APLF: variants seen among roughly 807,000 people sequenced by gnomAD.
APLF encodes the protein aprataxin and PNKP like factor.
Under a neutral mutation model 55.6 loss-of-function variants are expected in APLF, and 61 were observed. That is an observed-to-expected ratio of 1.10 (90% confidence interval 0.89 to 1.36). APLF has a LOEUF of 1.36. APLF is among the 40% of genes most tolerant of loss of function. The pLI, the probability that APLF is intolerant of heterozygous loss-of-function variation, is 0.00. For missense variants in APLF, 611 were observed against 602.5 expected (o/e 1.01, Z -0.15); for synonymous variants, 207 against 214.8 (o/e 0.96, Z 0.32).
chr2:68,484,464 G>C (rs1268894567), intron 1 of APLF, among the ~76,000 whole-genome samples: 1 of 151,812 alleles, frequency 6.6e-6, no homozygotes. Context: ...AGAGGTGGGT[G>C]GATCATTCAA....
At chr2:68,492,504 A>G (rs1676404368) in intron 2 of APLF, among the ~76,000 whole-genome samples, 1 of 152,182 alleles carries the variant, frequency 6.6e-6, no homozygotes, top group Non-Finnish European at 1.5e-5. Context: ...AAGAGTACTA[A>G]TAATGTAAAA....
At chr2:68,518,048 A>G (rs960156324) in intron 5 of APLF, among the ~76,000 whole-genome samples, 2 of 137,212 alleles carry the variant, frequency 1.5e-5, no homozygotes, top group African/African-American at 5.3e-5. Flanking sequence ...TAACAGTAAT[A>G]TATCATTAAT....
intron 8 of APLF, among the ~76,000 whole-genome samples, chr2:68,552,496 G>A (rs1246164774): frequency 6.6e-6 from 1 of 151,956 alleles, no homozygotes; most frequent in Non-Finnish European, 1.5e-5. Flanking sequence ...TAAATCTCTG[G>A]AATTTTAGAT....
chr2:68,542,161 C>A (rs145013614), intron 7 of APLF, among the ~76,000 whole-genome samples: 270 of 152,160 alleles, frequency 1.8e-3, no homozygotes, highest in African/African-American at 6.4e-3. Context: ...ATCAAATAAT[C>A]TGAACATATA....
chr2:68,477,278 G>C (rs931576148), intron 1 of APLF, among the ~76,000 whole-genome samples: 1 of 152,134 alleles, frequency 6.6e-6, no homozygotes, highest in African/African-American at 2.4e-5. Flanking sequence ...TTACGACAAC[G>C]TGTGATGTGA....
chr2:68,579,959 A>C lies in APLF; in HGVS notation c.*1937A>C. The C allele has an allele frequency of 1.2e-6, 1 of 837,020 alleles. No homozygotes were observed. Among genetic ancestry groups the C allele is most frequent in the Non-Finnish European group, 1.4e-6 (1 of 694,804 alleles). The allele number at this position is 837,020 out of a possible 1,614,324, so 51.8% of individuals were successfully genotyped here. The stretch of plus-strand genomic sequence containing the variant: ...TGCACGTGAACTATATATTTCAATA[A>C]ATCTGTCACAAAAAAGTAATGCAAA... On this transcript the variant is annotated 3_prime_UTR_variant, in exon 10 of 10. Coordinates refer to ENST00000303795, the MANE Select transcript of APLF (RefSeq NM_173545.3).
rs968239090 is a variant in APLF, at chr2:68,559,760, C to T, written c.1287-7581C>T. Among the ~76,000 whole-genome samples, 8 of 152,200 alleles carry T rather than the reference C, an allele frequency of 5.3e-5. No individual in the cohort carries two copies. In the South Asian group the frequency reaches 1.2e-3, roughly 24 times the overall value. On this transcript the variant is annotated intron_variant, in intron 8 of 9. Coordinates refer to ENST00000303795, the MANE Select transcript of APLF (RefSeq NM_173545.3). ...TGCCTGGAATACTGCAGTAGTTTCC[C>T]GATATCCCTGTTTTCTCTTTTGTCC... is the stretch of plus-strand genomic sequence containing the variant.
intron 5 of APLF, among the ~76,000 whole-genome samples, chr2:68,518,716 A>C (rs1414559756): frequency 8.0e-6 from 1 of 125,398 alleles, no homozygotes; most frequent in Non-Finnish European, 1.6e-5. Context: ...ATATACAATA[A>C]TATATCATTA....
intron 5 of APLF, among the ~76,000 whole-genome samples, chr2:68,516,741 T>C (rs953538597): frequency 4.0e-5 from 6 of 149,058 alleles, no homozygotes; most frequent in Non-Finnish European, 8.9e-5. Context: ...TCCAATTACA[T>C]CCAGGTTGCT....
At chr2:68,515,874 T>C in intron 5 of APLF, 5 of 485,158 alleles carry the variant, frequency 1.0e-5, no homozygotes, top group Non-Finnish European at 1.3e-5. Flanking sequence ...TTAAAACAAT[T>C]AGACTTATTC....
chr2:68,516,420 T>A (rs1427249822), intron 5 of APLF, among the ~76,000 whole-genome samples: 3 of 151,460 alleles, frequency 2.0e-5, no homozygotes, highest in Non-Finnish European at 1.5e-5. Flanking sequence ...TTATTATTAT[T>A]ATTATCATCA....
chr2:68,551,310 C>T (rs144520751), intron 8 of APLF, among the ~76,000 whole-genome samples: 71 of 152,092 alleles, frequency 4.7e-4, no homozygotes, highest in African/African-American at 1.5e-3. Flanking sequence ...GTTTAACTAA[C>T]GTGCCTAGGT....
intron 1 of APLF, among the ~76,000 whole-genome samples, chr2:68,488,987 T>C (rs1676274016): frequency 6.6e-6 from 1 of 152,014 alleles, no homozygotes; most frequent in Non-Finnish European, 1.5e-5. Flanking sequence ...AAAAAAAAGG[T>C]ACAATCTGGG....
intron 9 of APLF, among the ~76,000 whole-genome samples, chr2:68,571,555 C>G (rs1671465357): frequency 1.3e-5 from 2 of 152,166 alleles, no homozygotes; most frequent in South Asian, 2.1e-4. Context: ...ATAGGGAATC[C>G]TTTCCCCATT....
chr2:68,467,661 CG>C lies in APLF; in HGVS notation c.-70del. 8.5e-7 allele frequency: 1 copy of C among 1,180,390 alleles called. No homozygotes were observed. Among genetic ancestry groups the C allele is most frequent in the Non-Finnish European group, 1.1e-6 (1 of 938,990 alleles). The allele number at this position is 1,180,390 out of a possible 1,614,324, so 73.1% of individuals were successfully genotyped here. On this transcript the variant is annotated 5_prime_UTR_variant, in exon 1 of 10. Coordinates refer to ENST00000303795, the MANE Select transcript of APLF (RefSeq NM_173545.3). ...TTTCCCAGGGCGTGGGCTTGCCCCG[CG>C]CGTGTCTGTGGAGGGCGGAAACAGC...
intron 7 of APLF, 100 bp from the exon 8 acceptor site, chr2:68,545,087 A>G (rs529221000): frequency 2.2e-6 from 3 of 1,387,958 alleles, no homozygotes; most frequent in Admixed American, 2.1e-5. Flanking sequence ...TTTATGTTCA[A>G]GGATAGCCAG....
chr2:68,557,903 T>C (rs953518480), intron 8 of APLF, among the ~76,000 whole-genome samples: 3 of 148,082 alleles, frequency 2.0e-5, no homozygotes, highest in African/African-American at 5.0e-5. Context: ...AGAATGAGAC[T>C]CCATCTGAAA....
chr2:68,505,584 C>A (rs780311265), intron 3 of APLF, among the ~76,000 whole-genome samples: 5 of 151,918 alleles, frequency 3.3e-5, no homozygotes, highest in Non-Finnish European at 5.9e-5. Context: ...TAGAAGGGCT[C>A]ACAGAACTCA....
intron 6 of APLF, among the ~76,000 whole-genome samples, chr2:68,533,023 T>G (rs1670299056): frequency 2.0e-5 from 3 of 152,118 alleles, no homozygotes; most frequent in Non-Finnish European, 2.9e-5. Context: ...CCCAGGAGTT[T>G]AAGGCCAGCC....
Sources: gnomAD v4.1 joint callset for allele counts (sites outside exome capture counted in the v4.1 genomes callset) on GRCh38, gnomAD v4.1.1 for gene constraint, MANE v1.5 for transcripts, NCBI Gene and HGNC (gene_info 2026-07-23, HGNC 2026-07-21) for gene names.